The following CLIC4 variants were observed in gnomAD, a reference collection of about 807,000 sequenced individuals.
The protein encoded by CLIC4 is CLIC family member 4.
In CLIC4, 13 loss-of-function variants were observed where a neutral mutation model predicts 24.6. That is an observed-to-expected ratio of 0.53 (90% CI 0.34 to 0.84). The LOEUF is 0.84. Among genes scored for constraint, CLIC4 ranks in the 40% least tolerant of loss-of-function variants. The probability of loss-of-function intolerance (pLI) is 0.01; values close to 1 mark genes in which losing one functional copy is unlikely to be tolerated. For missense variants in CLIC4, 227 were observed against 301.7 expected, an observed-to-expected ratio of 0.75 and a Z score of 1.83; for synonymous variants, 104 against 111.3, an observed-to-expected ratio of 0.93 and a Z score of 0.41.
chr1:24,810,787 T>TA (rs1442099523), intron 2 of CLIC4, among the ~76,000 whole-genome samples: 4 of 151,784 alleles, frequency 2.6e-5, no homozygotes, highest in Non-Finnish European at 1.5e-5. Flanking sequence ...TGAGAAATTT[T>TA]AAAAATGTTT....
At chr1:24,812,478 C>T (rs149764283) in intron 2 of CLIC4, among the ~76,000 whole-genome samples, 7 of 152,308 alleles carry the variant, frequency 4.6e-5, no homozygotes, top group Admixed American at 6.5e-5. Flanking sequence ...ACTTACCCAT[C>T]TTTACACAAT....
At chr1:24,809,495 G>A (rs913318695) in intron 2 of CLIC4, among the ~76,000 whole-genome samples, 1 of 152,134 alleles carries the variant, frequency 6.6e-6, no homozygotes, top group Non-Finnish European at 1.5e-5. Context: ...TTTGGAGACA[G>A]AGTCTCACTC....
intron 1 of CLIC4, among the ~76,000 whole-genome samples, chr1:24,783,764 A>C (rs1639233734): frequency 6.6e-6 from 1 of 152,218 alleles, no homozygotes. Flanking sequence ...ATCTAATAGC[A>C]CTTGATCTGT....
At chr1:24,762,593 A>C (rs145095474) in intron 1 of CLIC4, among the ~76,000 whole-genome samples, 22 of 152,226 alleles carry the variant, frequency 1.4e-4, no homozygotes, top group Non-Finnish European at 2.9e-4. Context: ...TGAGAGGAAA[A>C]CTACTAGAGT....
intron 1 of CLIC4, among the ~76,000 whole-genome samples, chr1:24,762,796 T>A (rs1638944681): frequency 6.6e-6 from 1 of 152,066 alleles, no homozygotes; most frequent in South Asian, 2.1e-4. Context: ...CTGGAGTCAG[T>A]GTGTAAAGCC....
chr1:24,839,445 G>A (rs1012099856), intron 4 of CLIC4, among the ~76,000 whole-genome samples: 5 of 152,046 alleles, frequency 3.3e-5, no homozygotes, highest in South Asian at 2.1e-4. Flanking sequence ...GACTACAGGC[G>A]CCCGCCACCA....
chr1:24,761,069 G>T (rs1163667806), intron 1 of CLIC4, among the ~76,000 whole-genome samples: 4 of 152,140 alleles, frequency 2.6e-5, no homozygotes, highest in Non-Finnish European at 5.9e-5. Context: ...TGAGGGACTG[G>T]ATGTGGAATG....
intron 1 of CLIC4, among the ~76,000 whole-genome samples, chr1:24,747,458 C>T (rs1324092819): frequency 5.0e-5 from 7 of 140,740 alleles, no homozygotes; most frequent in Non-Finnish European, 9.1e-5. Flanking sequence ...TGCTTGAACC[C>T]GGGAGGCAGA....
At chr1:24,815,840 C>G (rs1033411595) in intron 3 of CLIC4, among the ~76,000 whole-genome samples, 3 of 152,146 alleles carry the variant, frequency 2.0e-5, no homozygotes, top group African/African-American at 7.2e-5. Flanking sequence ...CACAGTAGAA[C>G]CTTTTTCAAA....
At chr1:24,746,841 C>A (rs966053769) in intron 1 of CLIC4, among the ~76,000 whole-genome samples, 2 of 152,168 alleles carry the variant, frequency 1.3e-5, no homozygotes, top group South Asian at 2.1e-4. Flanking sequence ...CAAAAAAATT[C>A]AAAAATTAGC....
chr1:24,816,997 T>C (rs1299627450), intron 3 of CLIC4, among the ~76,000 whole-genome samples: 2 of 152,228 alleles, frequency 1.3e-5, no homozygotes, highest in Non-Finnish European at 2.9e-5. Context: ...TTCAACCTAA[T>C]GTCAACAGCT....
intron 1 of CLIC4, among the ~76,000 whole-genome samples, chr1:24,794,030 T>C (rs1294901456): frequency 6.6e-6 from 1 of 151,374 alleles, no homozygotes; most frequent in East Asian, 1.9e-4. Context: ...CAGAACGTTC[T>C]CTTCCAGCAT....
intron 2 of CLIC4, among the ~76,000 whole-genome samples, chr1:24,799,300 T>G (rs181004485): frequency 5.4e-5 from 7 of 128,680 alleles, no homozygotes; most frequent in East Asian, 2.4e-4. Context: ...CTGCCCCGCC[T>G]CCCCATCTGG....
chr1:24,808,779 C>A (rs531852071), intron 2 of CLIC4, among the ~76,000 whole-genome samples: 61 of 151,330 alleles, frequency 4.0e-4, no homozygotes, highest in Middle Eastern at 3.4e-3. Context: ...CGGGTTCAAG[C>A]GATTCTCCTG....
chr1:24,775,090 T>C (rs1557799395), intron 1 of CLIC4, among the ~76,000 whole-genome samples: 1 of 151,614 alleles, frequency 6.6e-6, no homozygotes, highest in African/African-American at 2.4e-5. Context: ...AAAAAGAAAG[T>C]GATTCCATGT....
chr1:24,814,030 TAA>T, intron 2 of CLIC4, 62 bp from the exon 3 acceptor site: 2 of 1,600,520 alleles, frequency 1.2e-6, no homozygotes, highest in Non-Finnish European at 1.7e-6. Context: ...TTTGAGAATT[TAA>T]AGTATTATTG....
chr1:24,798,024 T>C (rs1639424037), intron 2 of CLIC4, 173 bp downstream of exon 2: 3 of 519,488 alleles, frequency 5.8e-6, no homozygotes, highest in Non-Finnish European at 1.0e-5. Flanking sequence ...ACGCTGTCAG[T>C]ATACTGCGTG....
At chr1:24,773,854 T>G (rs553769978) in intron 1 of CLIC4, among the ~76,000 whole-genome samples, 3 of 152,118 alleles carry the variant, frequency 2.0e-5, no homozygotes, top group Non-Finnish European at 4.4e-5. Flanking sequence ...CCACCTTGGC[T>G]TCCCAGAGTG....
chr1:24,797,820 G>C lies in CLIC4; in HGVS notation c.151G>C (p.Val51Leu), dbSNP rs748941779. The C allele has an allele frequency of 6.2e-7, 1 of 1,613,536 alleles. No individual in the cohort carries two copies. The highest frequency in any genetic ancestry group is 8.5e-7 in the Non-Finnish European group (1 of 1,179,802). The change falls in exon 2 of 6, where the codon GTA becomes CTA. Residue 51 changes from valine (V) to leucine (L), a missense_variant. Transcript: ENST00000374379. ...CATGATTCTTTGGCTCAAAGGAGTT[G>C]TATTTAGTGTGACGACTGTTGACCT... Reference protein sequence around the residue: ...LFMILWLKGVVFSVTTVDLKR... With the variant: ...LFMILWLKGVLFSVTTVDLKR...
Sources: allele counts gnomAD v4.1 joint callset (sites outside exome capture counted in the v4.1 genomes callset), GRCh38; gene constraint gnomAD v4.1.1; transcripts MANE v1.5; gene names NCBI Gene and HGNC (gene_info 2026-07-23, HGNC 2026-07-21).